The following RGL1 variants were observed in gnomAD, a reference collection of about 807,000 sequenced individuals.
RGL1 encodes ral guanine nucleotide dissociation stimulator-like 1.
In RGL1, 24 loss-of-function variants were observed where a neutral mutation model predicts 95.2. That is an observed-to-expected ratio of 0.25 (90% CI 0.18 to 0.35). The LOEUF (loss-of-function observed/expected upper bound fraction) is 0.35, where lower values mean the gene tolerates loss of function less well. RGL1 is among the 10% of genes least tolerant of loss of function. The probability of loss-of-function intolerance (pLI) is 1.00; values close to 1 mark genes in which losing one functional copy is unlikely to be tolerated. For missense variants in RGL1, 715 were observed against 936.3 expected (o/e 0.76, Z 3.08); for synonymous variants, 329 against 344.9 (o/e 0.95, Z 0.51).
At chr1:183,860,564 C>T (rs1665451075) in intron 3 of RGL1, among the ~76,000 whole-genome samples, 1 of 152,106 alleles carries the variant, frequency 6.6e-6, no homozygotes, top group Admixed American at 6.5e-5. Context: ...TGCTTAGAGG[C>T]TCTTTCCCTG....
At chr1:183,763,092 A>G (rs559445145) in intron 2 of RGL1, among the ~76,000 whole-genome samples, 33 of 152,312 alleles carry the variant, frequency 2.2e-4, no homozygotes, top group African/African-American at 7.7e-4. Context: ...CTTTGCAGGG[A>G]CATGGATGAA....
At position 183,916,571 on chromosome 1, in the gene RGL1, A is replaced by G. The variant is rs1166019761; in HGVS notation, c.1874A>G (p.Lys625Arg). ...PSCNNNPKIH[K>R]RSVSVTSITS... Reference sequence around the variant, plus strand: ...TGCAACAACAACCCCAAAATCCACAAGCGCTCTGTCTCGGTGACGTCCATT... The same window carrying G: ...TGCAACAACAACCCCAAAATCCACAGGCGCTCTGTCTCGGTGACGTCCATT... The change falls in exon 16 of 18, where the codon AAG (lysine) becomes AGG (arginine). Residue 625 changes from lysine (K) to arginine (R), a missense_variant. Transcript: ENST00000360851. 3.1e-6 allele frequency: 5 copies of G among 1,609,486 alleles called. No homozygotes were observed. In the South Asian group the frequency reaches 3.3e-5, roughly 11 times the overall value.
intron 2 of RGL1, among the ~76,000 whole-genome samples, chr1:183,766,333 G>A (rs1658963780): frequency 6.6e-6 from 1 of 151,314 alleles, no homozygotes. Flanking sequence ...TCACTAGAAT[G>A]TCTCACTTTT....
intron 1 of RGL1, among the ~76,000 whole-genome samples, chr1:183,652,556 C>G (rs530140289): frequency 7.9e-5 from 12 of 152,228 alleles, no homozygotes; most frequent in African/African-American, 2.9e-4. Context: ...TTGTTATCGA[C>G]CACAGATTAT....
chr1:183,901,942 G>A (rs1668050767), intron 11 of RGL1, among the ~76,000 whole-genome samples: 1 of 152,284 alleles, frequency 6.6e-6, no homozygotes, highest in African/African-American at 2.4e-5. Context: ...ACTTTGCATA[G>A]ATCTACCTAC....
chr1:183,904,986 C>T lies in RGL1; in HGVS notation c.1472+15C>T, dbSNP rs1020948488. ...GAGGAGGAGAGGTGGGATCACCTGT[C>T]GTTCATCGGGGTAGAACTGAAGTGT... On this transcript the variant is annotated intron_variant, in intron 13 of 17. Transcript: ENST00000360851. 6 of 1,607,448 alleles carry T rather than the reference C, an allele frequency of 3.7e-6. No homozygotes were observed. The highest frequency in any genetic ancestry group is 1.3e-5 in the African/African-American group (1 of 74,472).
intron 1 of RGL1, among the ~76,000 whole-genome samples, chr1:183,703,610 A>G (rs1654730339): frequency 1.3e-5 from 2 of 152,250 alleles, no homozygotes; most frequent in Admixed American, 1.3e-4. Context: ...CTATGTTAAG[A>G]CAACAATTGG....
intron 1 of RGL1, among the ~76,000 whole-genome samples, chr1:183,654,429 C>G (rs1650991585): frequency 6.6e-6 from 1 of 152,156 alleles, no homozygotes; most frequent in African/African-American, 2.4e-5. Flanking sequence ...TTTATTTAAT[C>G]CTAATAAATG....
At chr1:183,914,923 T>C (rs903734475) in intron 15 of RGL1, among the ~76,000 whole-genome samples, 4 of 152,250 alleles carry the variant, frequency 2.6e-5, no homozygotes, top group Admixed American at 1.3e-4. Flanking sequence ...AAGAAACTTA[T>C]GCTATTAACT....
chr1:183,891,733 GTTTTTTTT>G (rs57974956), intron 8 of RGL1, among the ~76,000 whole-genome samples: 5 of 123,944 alleles, frequency 4.0e-5, no homozygotes, highest in Admixed American at 8.4e-5. Context: ...GTGTGTAACA[GTTTTTTTT>G]TTTTTTTTTT....
At chr1:183,861,985 C>T (rs1190913583) in intron 3 of RGL1, among the ~76,000 whole-genome samples, 1 of 152,140 alleles carries the variant, frequency 6.6e-6, no homozygotes, top group Non-Finnish European at 1.5e-5. Context: ...TTAAAGAGTT[C>T]TGGATTCCAA....
intron 17 of RGL1, 59 bp from the exon 18 acceptor site, chr1:183,926,046 T>A: frequency 6.8e-7 from 1 of 1,471,134 alleles, no homozygotes; most frequent in Non-Finnish European, 9.3e-7. Context: ...CAGCTGCCGT[T>A]GTCAGTACTG....
chr1:183,644,268 A>G (rs1264550459), intron 1 of RGL1, among the ~76,000 whole-genome samples: 26 of 152,144 alleles, frequency 1.7e-4, no homozygotes, highest in Admixed American at 1.7e-3. Context: ...CTACTTGGGC[A>G]GTTACTTAAA....
rs74133006 is a variant in RGL1 at position 183,860,944 on chromosome 1, G to C, written c.348-5052G>C. On this transcript the variant is annotated intron_variant, in intron 3 of 17. Transcript: ENST00000360851. Reference sequence around the variant, plus strand: ...ATGAATGAAAGGCTCACCATAGCTTGTATGGTAGGGAGTGATTCAGAGGCT... The same window carrying C: ...ATGAATGAAAGGCTCACCATAGCTTCTATGGTAGGGAGTGATTCAGAGGCT... Among the ~76,000 whole-genome samples the C allele has an allele frequency of 6.0e-3, 907 of 152,258 alleles. 9 individuals are homozygous for C. The highest frequency in any genetic ancestry group is 0.021 in the African/African-American group (873 of 41,542).
At chr1:183,921,270 A>G (rs1461497538) in intron 16 of RGL1, among the ~76,000 whole-genome samples, 2 of 152,200 alleles carry the variant, frequency 1.3e-5, no homozygotes, top group African/African-American at 4.8e-5. Flanking sequence ...GCATGTAGTT[A>G]CATATGCAGA....
At chr1:183,765,107 C>G (rs868688125) in intron 2 of RGL1, among the ~76,000 whole-genome samples, 1 of 152,188 alleles carries the variant, frequency 6.6e-6, no homozygotes, top group African/African-American at 2.4e-5. Context: ...AGGTGACTCT[C>G]TACTTACCAC....
chr1:183,872,643 C>A (rs936468111), intron 4 of RGL1, among the ~76,000 whole-genome samples: 2 of 152,128 alleles, frequency 1.3e-5, no homozygotes, highest in East Asian at 1.9e-4. Flanking sequence ...AGTAGTAATC[C>A]AAGACATCGG....
chr1:183,705,545 A>G (rs1654860823), intron 1 of RGL1, among the ~76,000 whole-genome samples: 1 of 152,182 alleles, frequency 6.6e-6, no homozygotes, highest in Non-Finnish European at 1.5e-5. Context: ...ACCTTGAGTT[A>G]GTATGCACCA....
At chr1:183,825,802 TC>T (rs1295701658) in intron 2 of RGL1, among the ~76,000 whole-genome samples, 1 of 152,058 alleles carries the variant, frequency 6.6e-6, no homozygotes, top group East Asian at 1.9e-4. Context: ...AAACTGACAA[TC>T]CCAGTGGAAG....
Sources: allele counts gnomAD v4.1 joint callset (sites outside exome capture counted in the v4.1 genomes callset), GRCh38; gene constraint gnomAD v4.1.1; transcripts MANE v1.5; gene names NCBI Gene and HGNC (gene_info 2026-07-23, HGNC 2026-07-21).